CACNA1E: variants seen among roughly 807,000 people sequenced by gnomAD.
The protein encoded by CACNA1E is voltage-dependent R-type calcium channel subunit alpha-1E.
CACNA1E carries 40 observed loss-of-function variants against 259.2 expected under a neutral mutation model. The observed-to-expected ratio is 0.15, with a 90% CI of 0.12 to 0.20. The LOEUF is 0.20. Ranked by LOEUF, CACNA1E falls within the 10% of genes least tolerant of loss-of-function variation. The pLI, the probability that CACNA1E is intolerant of heterozygous loss-of-function variation, is 1.00. For synonymous variants in CACNA1E, 1,104 were observed against 1,138.5 expected (o/e 0.97, Z 0.61); for missense variants, 1,874 against 3,040.1 (o/e 0.62, Z 9.02).
intron 3 of CACNA1E, among the ~76,000 whole-genome samples, chr1:181,561,679 C>T (rs535083573): frequency 1.1e-3 from 162 of 152,268 alleles, no homozygotes; most frequent in African/African-American, 3.7e-3. Flanking sequence ...TTTGTTTATT[C>T]ACCAATCGAG....
intron 3 of CACNA1E, among the ~76,000 whole-genome samples, chr1:181,521,093 G>C (rs1178787350): frequency 1.3e-5 from 2 of 152,220 alleles, no homozygotes; most frequent in African/African-American, 4.8e-5. Flanking sequence ...TCAGTTGCCT[G>C]GACCTTGGTG....
At chr1:181,653,830 T>A (rs1658966406) in intron 7 of CACNA1E, among the ~76,000 whole-genome samples, 1 of 152,252 alleles carries the variant, frequency 6.6e-6, no homozygotes, top group Non-Finnish European at 1.5e-5. Flanking sequence ...CATTCACATG[T>A]TCCAGGACTT....
At chr1:181,712,161 T>G (rs1653436677) in intron 8 of CACNA1E, among the ~76,000 whole-genome samples, 1 of 151,610 alleles carries the variant, frequency 6.6e-6, no homozygotes. Context: ...GCCACCAGAT[T>G]CAAGTTTGGC....
At chr1:181,482,629 C>T (rs1335375016), upstream of CACNA1E, among the ~76,000 whole-genome samples, 2 of 152,270 alleles carry the variant, frequency 1.3e-5, no homozygotes, top group Non-Finnish European at 2.9e-5. Context: ...CCTCTGCGCG[C>T]CGCTCGCTGT....
At chr1:181,606,417 C>G (rs560541055) in intron 6 of CACNA1E, among the ~76,000 whole-genome samples, 1 of 152,168 alleles carries the variant, frequency 6.6e-6, no homozygotes, top group Non-Finnish European at 1.5e-5. Flanking sequence ...AACAGCAGGT[C>G]GTATGGATGC....
intron 1 of CACNA1E, among the ~76,000 whole-genome samples, chr1:181,351,706 G>A (rs1571636658): frequency 1.3e-5 from 2 of 152,246 alleles, no homozygotes; most frequent in South Asian, 2.1e-4. Flanking sequence ...TCACTCCCAT[G>A]TCTGCCTCCA....
At chr1:181,434,704 A>C (rs1387708676) in intron 2 of CACNA1E, among the ~76,000 whole-genome samples, 1 of 152,186 alleles carries the variant, frequency 6.6e-6, no homozygotes, top group Non-Finnish European at 1.5e-5. Context: ...ATTCAGAAGC[A>C]GGGAGCGCAG....
chr1:181,400,174 A>T (rs1362190273), intron 1 of CACNA1E, among the ~76,000 whole-genome samples: 1 of 152,198 alleles, frequency 6.6e-6, no homozygotes, highest in Non-Finnish European at 1.5e-5. Context: ...TCTAGCATTC[A>T]TTATTTCCAG....
rs149263264 is a variant in CACNA1E at position 181,608,238 on chromosome 1, C to A, written c.951+27462C>A. Among the ~76,000 whole-genome samples, 353 of 152,098 alleles carry A rather than the reference C, an allele frequency of 2.3e-3. 1 individual carries two copies. The highest frequency in any genetic ancestry group is 7.3e-3 in the African/African-American group (302 of 41,502). Reference sequence around the variant, plus strand: ...GAGGGGCAGGTAAGTGGAGAATAACCAGTGTGGATGGGTATTATTTGGGAA... The same window carrying A: ...GAGGGGCAGGTAAGTGGAGAATAACAAGTGTGGATGGGTATTATTTGGGAA... On this transcript the variant is annotated intron_variant, in intron 6 of 47. Coordinates refer to ENST00000367573, the MANE Select transcript of CACNA1E (RefSeq NM_001205293.3).
chr1:181,745,324 C>T, intron 25 of CACNA1E: 1 of 487,702 alleles, frequency 2.1e-6, no homozygotes, highest in Non-Finnish European at 4.0e-6. Flanking sequence ...GTGTGAACAC[C>T]CAAGTATTTT....
At chr1:181,471,213 T>C (rs1662483058) in intron 2 of CACNA1E, among the ~76,000 whole-genome samples, 3 of 152,222 alleles carry the variant, frequency 2.0e-5, no homozygotes, top group Non-Finnish European at 2.9e-5. Context: ...TCCTAAAGAC[T>C]TTACCTCTTA....
chr1:181,650,934 A>T (rs892512881), intron 6 of CACNA1E, among the ~76,000 whole-genome samples: 1 of 152,200 alleles, frequency 6.6e-6, no homozygotes, highest in Admixed American at 6.5e-5. Flanking sequence ...GCTAGCATCC[A>T]TGGAATAGAT....
At chr1:181,328,263 G>A (rs983483350) in intron 1 of CACNA1E, among the ~76,000 whole-genome samples, 1 of 152,112 alleles carries the variant, frequency 6.6e-6, no homozygotes, top group Admixed American at 6.6e-5. Context: ...AAGGTAAGGA[G>A]CTCTCTGGGG....
intron 1 of CACNA1E, among the ~76,000 whole-genome samples, chr1:181,509,732 C>T (rs1456835163): frequency 6.6e-6 from 1 of 152,160 alleles, no homozygotes; most frequent in East Asian, 1.9e-4. Context: ...CAGAAAAAAG[C>T]CTGCATTCAT....
intron 2 of CACNA1E, among the ~76,000 whole-genome samples, chr1:181,441,027 G>T (rs1363545851): frequency 8.0e-6 from 1 of 124,466 alleles, no homozygotes; most frequent in African/African-American, 2.9e-5. Context: ...AAAGCGCCCA[G>T]CTCTTCCCAA....
chr1:181,647,807 G>A lies in CACNA1E; in HGVS notation c.952-3531G>A, dbSNP rs572929534. ...CCGAGGTGTGTCCCTTTGTCCTACCGGGTGTGTCACTGACCCGTGGACAAA... is the reference window on the plus strand; with the variant it reads ...CCGAGGTGTGTCCCTTTGTCCTACCAGGTGTGTCACTGACCCGTGGACAAA... On this transcript the variant is annotated intron_variant, in intron 6 of 47. Transcript: ENST00000367573. 8.5e-5 allele frequency among the ~76,000 whole-genome samples: 13 copies of A among 152,254 alleles called. No individual in the cohort carries two copies. In the South Asian group the frequency reaches 1.5e-3, roughly 17 times the overall value.
intron 38 of CACNA1E, chr1:181,779,367 T>G (rs530355627): frequency 1.8e-5 from 6 of 328,090 alleles, no homozygotes; most frequent in South Asian, 1.5e-4. Context: ...TCAGCCATCC[T>G]CTTCATGGCT....
chr1:181,765,655 C>T (rs1299268085), intron 34 of CACNA1E, among the ~76,000 whole-genome samples: 1 of 152,198 alleles, frequency 6.6e-6, no homozygotes, highest in Non-Finnish European at 1.5e-5. Flanking sequence ...TCATGATGTG[C>T]ACAATCAAGA....
At chr1:181,604,142 C>G (rs139886903) in intron 6 of CACNA1E, among the ~76,000 whole-genome samples, 1 of 152,286 alleles carries the variant, frequency 6.6e-6, no homozygotes, top group African/African-American at 2.4e-5. Flanking sequence ...TGAATGGCAC[C>G]CAGGGGTCCA....
Sources: gnomAD v4.1 joint callset for allele counts (sites outside exome capture counted in the v4.1 genomes callset) on GRCh38, gnomAD v4.1.1 for gene constraint, MANE v1.5 for transcripts, NCBI Gene and HGNC (gene_info 2026-07-23, HGNC 2026-07-21) for gene names.